The following TRAK1 variants were observed in gnomAD, a reference collection of about 807,000 sequenced individuals.
TRAK1 encodes the protein trafficking kinesin-binding protein 1.
TRAK1 carries 33 observed loss-of-function variants against 92.1 expected under a neutral mutation model. The ratio of observed to expected loss-of-function variants is 0.36; its 90% CI spans 0.27 to 0.48. The LOEUF is 0.48. TRAK1 is among the 20% of genes least tolerant of loss of function. The pLI is 0.99. For missense variants in TRAK1, 1,123 were observed against 1,257.9 expected, an observed-to-expected ratio of 0.89 and a Z score of 1.62; for synonymous variants, 521 against 517.3, an observed-to-expected ratio of 1.01 and a Z score of -0.10.
chr3:42,077,256 A>G lies in TRAK1; in HGVS notation c.-518-9848A>G, dbSNP rs1221456819. Among the ~76,000 whole-genome samples, 9 of 152,208 alleles carry G rather than the reference A, an allele frequency of 5.9e-5. No individual in the cohort carries two copies. In the South Asian group the frequency reaches 6.2e-4, roughly 11 times the overall value. ...CAGTATGGTTATTTTAATTATATTG[A>G]TTCTTCCTATCCATGAGCATGGAAA... On this transcript the variant is annotated intron_variant, in intron 1 of 16. Coordinates refer to the TRAK1 transcript ENST00000487159.
chr3:42,088,982 C>T (rs1176536970), upstream of TRAK1, among the ~76,000 whole-genome samples: 1 of 152,152 alleles, frequency 6.6e-6, no homozygotes, highest in Non-Finnish European at 1.5e-5. Flanking sequence ...TGTACTCAGC[C>T]TGGCCCTTCC....
At chr3:42,140,647 A>C (rs1698530937) in intron 2 of TRAK1, among the ~76,000 whole-genome samples, 1 of 152,206 alleles carries the variant, frequency 6.6e-6, no homozygotes, top group Non-Finnish European at 1.5e-5. Context: ...AATAAAATAA[A>C]GATCAGAAAG....
At chr3:42,165,492 A>G (rs1480286948) in intron 2 of TRAK1, among the ~76,000 whole-genome samples, 2 of 152,178 alleles carry the variant, frequency 1.3e-5, no homozygotes, top group Non-Finnish European at 2.9e-5. Flanking sequence ...TTGGGAGAGC[A>G]TTCCTGGGCT....
At chr3:42,195,089 A>G in intron 10 of TRAK1, 148 bp downstream of exon 10, 1 of 990,376 alleles carries the variant, frequency 1.0e-6, no homozygotes, top group South Asian at 1.9e-5. Flanking sequence ...AGGACACTTG[A>G]ATCTGACTGG....
At chr3:42,201,123 C>G in intron 12 of TRAK1, 69 bp downstream of exon 12, 1 of 1,507,730 alleles carries the variant, frequency 6.6e-7, no homozygotes, top group Non-Finnish European at 9.2e-7. Flanking sequence ...TGTCTGCAGG[C>G]TCAGTAATTA....
intron 1 of TRAK1, among the ~76,000 whole-genome samples, chr3:42,109,866 A>G (rs1191967157): frequency 6.6e-6 from 1 of 150,674 alleles, no homozygotes; most frequent in East Asian, 2.0e-4. Flanking sequence ...AAAACCAAAC[A>G]CCGCATTTTC....
At chr3:42,099,923 G>C (rs1323569737) in intron 1 of TRAK1, among the ~76,000 whole-genome samples, 1 of 152,102 alleles carries the variant, frequency 6.6e-6, no homozygotes, top group Non-Finnish European at 1.5e-5. Context: ...TTGAATTCAG[G>C]CTGCCTGGGA....
At chr3:42,084,010 T>TC (rs1382321224), upstream of TRAK1, among the ~76,000 whole-genome samples, 1 of 152,170 alleles carries the variant, frequency 6.6e-6, no homozygotes, top group Admixed American at 6.5e-5. Context: ...ATTTAAAATT[T>TC]TTACTAGATT....
intron 4 of TRAK1, 71 bp downstream of exon 4, chr3:42,184,872 G>A (rs1210514526): frequency 3.1e-5 from 44 of 1,438,580 alleles, no homozygotes; most frequent in African/African-American, 7.1e-5. Context: ...ATGGCTGAAG[G>A]AGATGAGAGA....
intron 4 of TRAK1, 94 bp downstream of exon 4, chr3:42,184,895 T>A (rs1704561186): frequency 8.0e-7 from 1 of 1,242,478 alleles, no homozygotes; most frequent in Non-Finnish European, 1.2e-6. Flanking sequence ...GGAGTCCTAG[T>A]TGGAAGGACG....
At chr3:42,030,453 A>G (rs1289356510) in intron 1 of TRAK1, among the ~76,000 whole-genome samples, 1 of 149,982 alleles carries the variant, frequency 6.7e-6, no homozygotes, top group African/African-American at 2.4e-5. Flanking sequence ...TGGGTGGATC[A>G]CTTGAGGTCA....
chr3:42,089,419 A>G (rs551676562), upstream of TRAK1, among the ~76,000 whole-genome samples: 24 of 152,208 alleles, frequency 1.6e-4, no homozygotes, highest in African/African-American at 5.5e-4. Context: ...CAGATGGTTT[A>G]ACTCTCCTCC....
At chr3:42,152,920 T>C (rs1700112332) in intron 2 of TRAK1, among the ~76,000 whole-genome samples, 1 of 152,202 alleles carries the variant, frequency 6.6e-6, no homozygotes, top group African/African-American at 2.4e-5. Context: ...TCCTGGGATT[T>C]CTGTGAGCCT....
At chr3:42,110,075 A>C (rs1421529720) in intron 1 of TRAK1, among the ~76,000 whole-genome samples, 1 of 128,934 alleles carries the variant, frequency 7.8e-6, no homozygotes, top group Non-Finnish European at 1.6e-5. Context: ...CGTTGTGCAC[A>C]TGTACCCTAG....
chr3:42,210,365 C>A, intron 14 of TRAK1: 1 of 1,326,734 alleles, frequency 7.5e-7, no homozygotes, highest in Non-Finnish European at 9.6e-7. Flanking sequence ...GGTGCATGGC[C>A]CATCAGGGAT....
chr3:42,148,661 T>C (rs1485067770), intron 2 of TRAK1, among the ~76,000 whole-genome samples: 1 of 152,182 alleles, frequency 6.6e-6, no homozygotes, highest in Non-Finnish European at 1.5e-5. Context: ...CACAAGCCCT[T>C]TGTGATGGCG....
chr3:42,188,895 G>T (rs1305587271), intron 5 of TRAK1, 121 bp from the exon 6 acceptor site: 4 of 680,376 alleles, frequency 5.9e-6, no homozygotes, highest in Non-Finnish European at 1.0e-5. Context: ...TCCTGGGGTT[G>T]GGAGAGCCGT....
At position 42,166,829 on chromosome 3, in the gene TRAK1, G is replaced by C. The variant is rs545326599; in HGVS notation, c.287-9985G>C. Among the ~76,000 whole-genome samples the C allele has an allele frequency of 1.8e-3, 269 of 152,336 alleles. 3 individuals carry two copies. Among genetic ancestry groups the C allele is most frequent in the Non-Finnish European group, 4.9e-4 (33 of 68,028 alleles). ...TTTTGGCCTCTGTCCTTGGCAAGTG[G>C]CACCATGCTCCTGCCTCCTAGTGCA... On this transcript the variant is annotated intron_variant, in intron 2 of 15. Coordinates refer to ENST00000327628, the MANE Select transcript of TRAK1 (RefSeq NM_001042646.3).
chr3:42,207,816 C>T (rs960300364), intron 13 of TRAK1, among the ~76,000 whole-genome samples: 39 of 152,276 alleles, frequency 2.6e-4, no homozygotes, highest in African/African-American at 6.5e-4. Context: ...TTCAGATTCT[C>T]GAAACATCTG....
Sources: gnomAD v4.1 joint callset for allele counts (sites outside exome capture counted in the v4.1 genomes callset) on GRCh38, gnomAD v4.1.1 for gene constraint, MANE v1.5 for transcripts, NCBI Gene and HGNC (gene_info 2026-07-23, HGNC 2026-07-21) for gene names.